The following BCLAF3 variants were observed in gnomAD, a reference collection of about 807,000 sequenced individuals.
BCLAF3 encodes the protein BCLAF1 and THRAP3 family member 3, also known as transient octamer binding factor 1.
Under a neutral mutation model 51.2 loss-of-function variants are expected in BCLAF3, and 24 were observed. The observed-to-expected ratio is 0.47, with a 90% CI of 0.34 to 0.66. The LOEUF is 0.66. Ranked by LOEUF, BCLAF3 falls within the 30% of genes least tolerant of loss-of-function variation. The pLI, the probability that BCLAF3 is intolerant of heterozygous loss-of-function variation, is 0.01. For missense variants in BCLAF3, 465 were observed against 525.1 expected (o/e 0.89, Z 1.12); for synonymous variants, 152 against 176.6 (o/e 0.86, Z 1.10).
At position 19,966,653 on chromosome X, in the gene BCLAF3, T is replaced by C. The variant is rs945839492; in HGVS notation, c.42-4A>G. ...TCTAGGTACTGGTGATAAAGACCTATGTAAACAAACACAGAAAAGTGTAAA... is the reference window on the plus strand; with the variant it reads ...TCTAGGTACTGGTGATAAAGACCTACGTAAACAAACACAGAAAAGTGTAAA... On this transcript the variant is annotated splice_region_variant and splice_polypyrimidine_tract_variant and intron_variant, in intron 2 of 11. Coordinates refer to ENST00000379682, the MANE Select transcript of BCLAF3 (RefSeq NM_001367774.2). 1.5e-5 allele frequency: 18 copies of C among 1,195,431 alleles called. No homozygotes were observed. Among genetic ancestry groups the C allele is most frequent in the Non-Finnish European group, 1.6e-5 (14 of 886,441 alleles).
rs754038100 is a variant in BCLAF3, at chrX:19,940,602, A to T, written c.1746-3070T>A. Among the ~76,000 whole-genome samples, 756 of 110,507 alleles carry T rather than the reference A, an allele frequency of 6.8e-3. 2 individuals are homozygous for T. Among genetic ancestry groups the T allele is most frequent in the South Asian group, 0.017 (45 of 2,583 alleles). On this transcript the variant is annotated intron_variant, in intron 8 of 11. Coordinates refer to ENST00000379682, the MANE Select transcript of BCLAF3 (RefSeq NM_001367774.2). Reference sequence around the variant, plus strand: ...ATGTCCCTACAAAGAACATGAACTCATCATTTTTTATGGCTGCATAGTATT... The same window carrying T: ...ATGTCCCTACAAAGAACATGAACTCTTCATTTTTTATGGCTGCATAGTATT...
At chrX:19,943,420 A>T (rs1342941881) in intron 8 of BCLAF3, among the ~76,000 whole-genome samples, 2 of 48,062 alleles carry the variant, frequency 4.2e-5, no homozygotes, top group Admixed American at 5.0e-4. Flanking sequence ...TAGTGCTATA[A>T]ATTTCCCTCT....
intron 10 of BCLAF3, 133 bp downstream of exon 10, chrX:19,935,676 G>A: frequency 2.0e-6 from 1 of 508,152 alleles, no homozygotes; most frequent in Non-Finnish European, 3.4e-6. Context: ...AACTATAAAT[G>A]TCCAGAAATA....
chrX:19,949,024 G>A (rs931926975), intron 8 of BCLAF3, among the ~76,000 whole-genome samples: 2 of 111,033 alleles, frequency 1.8e-5, no homozygotes, highest in Non-Finnish European at 3.8e-5. Flanking sequence ...CAGGATGAAT[G>A]TTAAGTAATG....
At chrX:19,955,697 T>A (rs1363915770) in intron 4 of BCLAF3, 131 bp from the exon 5 acceptor site, 2 of 483,439 alleles carry the variant, frequency 4.1e-6, no homozygotes, top group African/African-American at 5.0e-5. Flanking sequence ...CTAAATTCCA[T>A]GCCATAAAAC....
intron 11 of BCLAF3, among the ~76,000 whole-genome samples, chrX:19,917,552 TGTG>T (rs1035705810): frequency 1.3e-4 from 14 of 111,575 alleles, no homozygotes; most frequent in African/African-American, 4.5e-4. Flanking sequence ...AAAGAAAACA[TGTG>T]GTGCTAGATA....
intron 9 of BCLAF3, among the ~76,000 whole-genome samples, chrX:19,936,142 T>C (rs1263319540): frequency 9.0e-6 from 1 of 111,646 alleles, no homozygotes; most frequent in Non-Finnish European, 1.9e-5. Flanking sequence ...CTGTAACAAG[T>C]ATAAAACATA....
chrX:19,975,884 C>T (rs1198493129), intron 1 of BCLAF3, among the ~76,000 whole-genome samples: 1 of 111,657 alleles, frequency 9.0e-6, no homozygotes, highest in Non-Finnish European at 1.9e-5. Context: ...ACCTCTATAA[C>T]AATTCCTTCT....
rs1310248900 is a variant in BCLAF3 at position 19,990,961 on chromosome X, GCCGC to G, written c.-92_-89del. Among the ~76,000 whole-genome samples the G allele has an allele frequency of 1.2e-4, 12 of 96,185 alleles. No homozygotes were observed. The highest frequency in any genetic ancestry group is 2.5e-4 in the Non-Finnish European group (12 of 48,222). The allele number at this position is 96,185 out of a possible 115,157, so 83.5% of individuals were successfully genotyped here. On this transcript the variant is annotated 5_prime_UTR_variant, in exon 1 of 12. Transcript: ENST00000379682. Reference sequence around the variant, plus strand: ...CGCCGCCGCCGCCGCCGCCGCCGCCGCCGCCGCCGCCGGCCCCTCGGGCCTCGCC... The same window carrying G: ...CGCCGCCGCCGCCGCCGCCGCCGCCGCGCCGCCGGCCCCTCGGGCCTCGCC...
intron 11 of BCLAF3, among the ~76,000 whole-genome samples, chrX:19,924,744 A>T (rs2070305719): frequency 9.0e-6 from 1 of 111,105 alleles, no homozygotes; most frequent in Non-Finnish European, 1.9e-5. Context: ...TTCCTGGCCA[A>T]ATGCGCAATT....
At chrX:19,976,598 C>T (rs2072433717) in intron 1 of BCLAF3, among the ~76,000 whole-genome samples, 1 of 111,308 alleles carries the variant, frequency 9.0e-6, no homozygotes, top group Non-Finnish European at 1.9e-5. Flanking sequence ...ACCACGTTGG[C>T]CAGGCTGGTC....
intron 8 of BCLAF3, among the ~76,000 whole-genome samples, chrX:19,941,557 G>A (rs1240339855): frequency 7.4e-5 from 8 of 108,529 alleles, no homozygotes; most frequent in Admixed American, 2.9e-4. Flanking sequence ...GTTTTTCTCG[G>A]GTTTGTCAAA....
At chrX:19,983,455 G>A (rs1374990694) in intron 1 of BCLAF3, among the ~76,000 whole-genome samples, 1 of 108,181 alleles carries the variant, frequency 9.2e-6, no homozygotes, top group Admixed American at 9.8e-5. Flanking sequence ...GGTGGCTCAT[G>A]CCTGTAATCC....
intron 11 of BCLAF3, among the ~76,000 whole-genome samples, chrX:19,918,593 T>G (rs2070014128): frequency 1.1e-5 from 1 of 88,527 alleles, no homozygotes; most frequent in African/African-American, 4.6e-5. Context: ...CAGGCTGGAG[T>G]GCAGTGGTGC....
Position 19,929,906 on chromosome X carries a change from T to C in BCLAF3, c.1985A>G (p.Tyr662Cys), listed in dbSNP as rs773407149. Residue 662 changes from tyrosine to cysteine, a missense_variant, in exon 11 of 12, where the codon TAT (tyrosine) becomes TGT (cysteine). Tyr to Cys is a radical substitution (Grantham distance 194). Coordinates refer to ENST00000379682, the MANE Select transcript of BCLAF3 (RefSeq NM_001367774.2). ...GCTCTTCTGTACCAGGCCTGATTTA[T>C]AATTGGGCTGGCATCTGCCACCTCT... ...NFRGGRCQPN[Y>C]KSGLVQKSLY... The C allele has an allele frequency of 5.8e-6, 7 of 1,209,111 alleles. No individual in the cohort carries two copies. In the South Asian group the frequency reaches 7.1e-5, roughly 12 times the overall value.
chrX:19,923,911 G>A (rs747878950), intron 11 of BCLAF3, among the ~76,000 whole-genome samples: 1 of 106,039 alleles, frequency 9.4e-6, no homozygotes, highest in Non-Finnish European at 1.9e-5. Context: ...ATGTGATCTC[G>A]TCTCACTGCT....
chrX:19,978,323 C>T (rs774228063), intron 1 of BCLAF3, among the ~76,000 whole-genome samples: 1 of 111,851 alleles, frequency 8.9e-6, no homozygotes, highest in Non-Finnish European at 1.9e-5. Context: ...ATTCATGACT[C>T]ATGGGAGGAG....
At chrX:19,952,508 C>T (rs1704806031) in intron 7 of BCLAF3, among the ~76,000 whole-genome samples, 1 of 110,499 alleles carries the variant, frequency 9.0e-6, no homozygotes, top group South Asian at 3.8e-4. Flanking sequence ...GAAATTTAGT[C>T]CCTTATTTCC....
intron 1 of BCLAF3, among the ~76,000 whole-genome samples, chrX:19,990,661 C>T (rs1369630254): frequency 1.8e-5 from 2 of 113,186 alleles, no homozygotes; most frequent in Non-Finnish European, 3.8e-5. Flanking sequence ...CCGTGCCTGT[C>T]GAGGGACCTC....
Sources: gnomAD v4.1 joint callset for allele counts (sites outside exome capture counted in the v4.1 genomes callset) on GRCh38, gnomAD v4.1.1 for gene constraint, MANE v1.5 for transcripts, NCBI Gene and HGNC (gene_info 2026-07-23, HGNC 2026-07-21) for gene names.